LRRTM4: variants seen among roughly 807,000 people sequenced by gnomAD.
LRRTM4 encodes leucine-rich repeat transmembrane neuronal protein 4.
A neutral mutation model predicts 47.6 loss-of-function variants in LRRTM4; 25 were observed. The observed-to-expected ratio is 0.53, with a 90% confidence interval of 0.38 to 0.73. The LOEUF (loss-of-function observed/expected upper bound fraction) is 0.73, where lower values mean the gene tolerates loss of function less well. Ranked by LOEUF, LRRTM4 falls within the 30% of genes least tolerant of loss-of-function variation. LRRTM4 has a pLI of 0.00. For synonymous variants in LRRTM4, 311 were observed against 269.5 expected, an observed-to-expected ratio of 1.15 and a Z score of -1.51; for missense variants, 638 against 713.4, an observed-to-expected ratio of 0.89 and a Z score of 1.20.
intron 3 of LRRTM4, among the ~76,000 whole-genome samples, chr2:77,385,741 C>CTTTTTTTTT (rs33978835): frequency 6.1e-5 from 5 of 82,298 alleles, no homozygotes; most frequent in Non-Finnish European, 6.5e-5. Flanking sequence ...GTACATGGTA[C>CTTTTTTTTT]TTTTTTTTTT....
intron 3 of LRRTM4, among the ~76,000 whole-genome samples, chr2:77,214,383 T>C (rs578000657): frequency 6.6e-6 from 1 of 152,272 alleles, no homozygotes; most frequent in South Asian, 2.1e-4. Context: ...AGTTATTAGA[T>C]AATATACTGC....
chr2:77,508,168 T>C (rs1187196240), intron 3 of LRRTM4, among the ~76,000 whole-genome samples: 1 of 152,124 alleles, frequency 6.6e-6, no homozygotes. Flanking sequence ...ATGAAAAATG[T>C]ATACTGTTAA....
At chr2:77,229,014 A>C (rs1193148801) in intron 3 of LRRTM4, among the ~76,000 whole-genome samples, 1 of 152,122 alleles carries the variant, frequency 6.6e-6, no homozygotes, top group Non-Finnish European at 1.5e-5. Flanking sequence ...CCAAGTTTAC[A>C]AATCATGCGA....
At chr2:77,278,762 G>A (rs1676433062) in intron 3 of LRRTM4, among the ~76,000 whole-genome samples, 1 of 151,938 alleles carries the variant, frequency 6.6e-6, no homozygotes, top group South Asian at 2.1e-4. Context: ...ATGTTAGAAA[G>A]TGTGTATACC....
At chr2:77,052,019 T>C (rs1679449214) in intron 3 of LRRTM4, among the ~76,000 whole-genome samples, 1 of 151,856 alleles carries the variant, frequency 6.6e-6, no homozygotes, top group South Asian at 2.1e-4. Context: ...ATTTTATTTA[T>C]AAATGAGACA....
At chr2:77,520,394 A>G (rs933267310) in intron 2 of LRRTM4, among the ~76,000 whole-genome samples, 3 of 152,076 alleles carry the variant, frequency 2.0e-5, no homozygotes, top group African/African-American at 4.8e-5. Context: ...TTATTGCATA[A>G]TAGGATCGCA....
chr2:77,026,632 C>T (rs533065606), intron 3 of LRRTM4, among the ~76,000 whole-genome samples: 50 of 152,004 alleles, frequency 3.3e-4, no homozygotes, highest in South Asian at 1.7e-3. Context: ...GTAAATCCTT[C>T]TATAAAACCT....
At chr2:77,082,626 C>T (rs571095717) in intron 3 of LRRTM4, among the ~76,000 whole-genome samples, 19 of 151,900 alleles carry the variant, frequency 1.3e-4, no homozygotes, top group South Asian at 4.1e-4. Flanking sequence ...TAAGCCAGTG[C>T]GTCAACACAT....
At chr2:76,942,012 G>C (rs567309945) in intron 3 of LRRTM4, among the ~76,000 whole-genome samples, 1 of 152,216 alleles carries the variant, frequency 6.6e-6, no homozygotes, top group East Asian at 1.9e-4. Context: ...ATTCTAACTG[G>C]AGAGAGATGG....
intron 3 of LRRTM4, among the ~76,000 whole-genome samples, chr2:77,293,291 A>G (rs1436596723): frequency 2.0e-5 from 3 of 152,156 alleles, no homozygotes; most frequent in Non-Finnish European, 4.4e-5. Context: ...ATGCCAATAC[A>G]AACATACGTA....
At chr2:76,764,206 A>G (rs1673366265) in intron 3 of LRRTM4, among the ~76,000 whole-genome samples, 1 of 152,234 alleles carries the variant, frequency 6.6e-6, no homozygotes, top group Non-Finnish European at 1.5e-5. Flanking sequence ...TTAATCAGAA[A>G]GAAACCAGAA....
At chr2:77,404,032 A>G (rs1255955657) in intron 3 of LRRTM4, among the ~76,000 whole-genome samples, 1 of 152,006 alleles carries the variant, frequency 6.6e-6, no homozygotes, top group Non-Finnish European at 1.5e-5. Flanking sequence ...AGTTTTAAAT[A>G]ATCCATCTTG....
At chr2:76,767,124 C>A (rs1673487407) in intron 3 of LRRTM4, among the ~76,000 whole-genome samples, 3 of 152,178 alleles carry the variant, frequency 2.0e-5, no homozygotes, top group Non-Finnish European at 4.4e-5. Context: ...ACTCCTATTT[C>A]TACAAAATTC....
chr2:77,428,607 T>G (rs1432445032), intron 3 of LRRTM4, among the ~76,000 whole-genome samples: 1 of 152,184 alleles, frequency 6.6e-6, no homozygotes, highest in African/African-American at 2.4e-5. Context: ...TTTTTAGATA[T>G]AGGCTCTAAA....
intron 3 of LRRTM4, among the ~76,000 whole-genome samples, chr2:76,928,680 G>A (rs1000967202): frequency 6.6e-6 from 1 of 152,156 alleles, no homozygotes; most frequent in East Asian, 1.9e-4. Flanking sequence ...AAATAAAACT[G>A]TAACCCAGAA....
intron 3 of LRRTM4, among the ~76,000 whole-genome samples, chr2:76,951,713 T>C (rs1298881602): frequency 1.3e-5 from 2 of 151,938 alleles, no homozygotes; most frequent in African/African-American, 4.8e-5. Flanking sequence ...TTGCTGCACC[T>C]ATCAACCCAT....
At chr2:76,818,154 T>G (rs1010808342) in intron 3 of LRRTM4, among the ~76,000 whole-genome samples, 1 of 151,902 alleles carries the variant, frequency 6.6e-6, no homozygotes, top group Non-Finnish European at 1.5e-5. Flanking sequence ...GGTGACATAT[T>G]TGTTTTCCCC....
chr2:77,042,428 A>G (rs959614531), intron 3 of LRRTM4, among the ~76,000 whole-genome samples: 6 of 151,600 alleles, frequency 4.0e-5, no homozygotes, highest in Non-Finnish European at 7.4e-5. Context: ...TATTTTTTAA[A>G]AAGTTATTGA....
At chr2:76,892,629 A>G (rs1404179433) in intron 3 of LRRTM4, among the ~76,000 whole-genome samples, 1 of 151,710 alleles carries the variant, frequency 6.6e-6, no homozygotes, top group East Asian at 1.9e-4. Flanking sequence ...AATGAATGTT[A>G]ATAGGTTTAA....
Sources: gnomAD v4.1 joint callset for allele counts (sites outside exome capture counted in the v4.1 genomes callset) on GRCh38, gnomAD v4.1.1 for gene constraint, MANE v1.5 for transcripts, NCBI Gene and HGNC (gene_info 2026-07-23, HGNC 2026-07-21) for gene names.